The following NR1H4 variants were observed in gnomAD, a reference collection of about 807,000 sequenced individuals.
NR1H4 encodes the protein nuclear receptor subfamily 1 group H member 4.
Under a neutral mutation model 58.5 loss-of-function variants are expected in NR1H4, and 23 were observed. That is an observed-to-expected ratio of 0.39 (90% CI 0.28 to 0.56). NR1H4 has a LOEUF of 0.56. Among genes scored for constraint, NR1H4 ranks in the 20% least tolerant of loss-of-function variants. NR1H4 has a pLI of 0.58. For missense variants in NR1H4, 487 were observed against 576.9 expected, an observed-to-expected ratio of 0.84 and a Z score of 1.60; for synonymous variants, 214 against 198.0, an observed-to-expected ratio of 1.08 and a Z score of -0.68.
chr12:100,553,164 A>C (rs1955243940), intron 9 of NR1H4, among the ~76,000 whole-genome samples: 1 of 151,914 alleles, frequency 6.6e-6, no homozygotes, highest in South Asian at 2.1e-4. Flanking sequence ...ACACCTAGCT[A>C]ATTTGTTGTA....
At chr12:100,557,794 C>T (rs908274073) in intron 9 of NR1H4, among the ~76,000 whole-genome samples, 2 of 152,190 alleles carry the variant, frequency 1.3e-5, no homozygotes, top group African/African-American at 4.8e-5. Context: ...TCTTTAGCGT[C>T]TGGAATCAAA....
rs35404680 is a variant in NR1H4, at chr12:100,545,641, C to CAAA, written c.1078+4849_1078+4851dup. 5.3e-3 allele frequency among the ~76,000 whole-genome samples: 42 copies of CAAA among 7,866 alleles called. 5 individuals are homozygous for CAAA. Among genetic ancestry groups the CAAA allele is most frequent in the African/African-American group, 0.017 (33 of 1,922 alleles). 5.2% of individuals were successfully genotyped at this position (7,866 alleles called of 152,430 possible). A position where few individuals can be genotyped will look rare whatever the true frequency, so the allele number is the denominator to read the frequency against. ...TGGGTGACAGAGTGAGACCTTGTCTCAAAAAAAAAAAAAAAAAAAAAAAAA... is the reference window on the plus strand; with the variant it reads ...TGGGTGACAGAGTGAGACCTTGTCTCAAAAAAAAAAAAAAAAAAAAAAAAAAAA... On this transcript the variant is annotated intron_variant, in intron 9 of 10. Transcript: ENST00000392986.
At chr12:100,485,198 C>G (rs769936057) in intron 1 of NR1H4, among the ~76,000 whole-genome samples, 1 of 152,132 alleles carries the variant, frequency 6.6e-6, no homozygotes, top group Admixed American at 6.5e-5. Context: ...GGATCACAAG[C>G]TTTTTCTACA....
At chr12:100,560,203 C>CA (rs1337257227) in intron 9 of NR1H4, among the ~76,000 whole-genome samples, 1 of 152,162 alleles carries the variant, frequency 6.6e-6, no homozygotes, top group African/African-American at 2.4e-5. Context: ...AGCGCCCTGA[C>CA]AAAACAGGCC....
chr12:100,537,153 T>C, intron 8 of NR1H4, 106 bp downstream of exon 8: 1 of 746,124 alleles, frequency 1.3e-6, no homozygotes, highest in Non-Finnish European at 2.3e-6. Context: ...AAAACATTCC[T>C]GTGAGATCAG....
In NR1H4 at chr12:100,563,522, T is replaced by C. The variant is rs770989693; in HGVS notation, c.*33T>C. On this transcript the variant is annotated 3_prime_UTR_variant, in exon 11 of 11. Transcript: ENST00000392986. ...TACAGGGGAGGGGTCTAGCTCCTTTTTCTCTCTCATATTAATCTGATGTAT... is the reference window on the plus strand; with the variant it reads ...TACAGGGGAGGGGTCTAGCTCCTTTCTCTCTCTCATATTAATCTGATGTAT... The C allele has an allele frequency of 1.3e-6, 2 of 1,483,394 alleles. No individual in the cohort carries two copies. Among genetic ancestry groups the C allele is most frequent in the Non-Finnish European group, 1.9e-6 (2 of 1,060,716 alleles). 91.9% of individuals were successfully genotyped at this position (1,483,394 alleles called of 1,614,324 possible).
chr12:100,529,137 A>C (rs1336257000), intron 4 of NR1H4, among the ~76,000 whole-genome samples: 1 of 152,202 alleles, frequency 6.6e-6, no homozygotes, highest in Non-Finnish European at 1.5e-5. Flanking sequence ...AAATGTTAAG[A>C]TCTTTCCTAC....
intron 9 of NR1H4, among the ~76,000 whole-genome samples, chr12:100,544,201 G>A (rs1183460861): frequency 1.4e-5 from 2 of 142,110 alleles, no homozygotes; most frequent in African/African-American, 2.7e-5. Context: ...ACAGTGAGCC[G>A]AGATCACGCC....
chr12:100,535,879 C>T (rs1169471532), intron 6 of NR1H4, among the ~76,000 whole-genome samples: 3 of 152,146 alleles, frequency 2.0e-5, no homozygotes, highest in Admixed American at 6.5e-5. Context: ...TGTTGACTCT[C>T]TATTTTAGGG....
intron 5 of NR1H4, 83 bp from the exon 6 acceptor site, chr12:100,534,807 C>T: frequency 6.6e-7 from 1 of 1,505,652 alleles, no homozygotes; most frequent in Admixed American, 1.7e-5. Context: ...TCTTCTGGGC[C>T]AGGTACATAT....
At chr12:100,506,340 A>G (rs1287195781) in intron 3 of NR1H4, among the ~76,000 whole-genome samples, 1 of 152,160 alleles carries the variant, frequency 6.6e-6, no homozygotes, top group Non-Finnish European at 1.5e-5. Flanking sequence ...GCCAGTTAAG[A>G]TCTCATGGTC....
At chr12:100,487,875 G>A (rs909751366) in intron 1 of NR1H4, among the ~76,000 whole-genome samples, 2 of 151,990 alleles carry the variant, frequency 1.3e-5, no homozygotes, top group African/African-American at 2.4e-5. Context: ...GCCTCCCAAA[G>A]TGTTGGGATT....
chr12:100,536,482 C>A (rs370126683), intron 6 of NR1H4, 30 bp from the exon 7 acceptor site: 61 of 1,323,922 alleles, frequency 4.6e-5, no homozygotes, highest in South Asian at 3.3e-4. Context: ...CACATCTTCC[C>A]TAACACCTTT....
intron 3 of NR1H4, among the ~76,000 whole-genome samples, chr12:100,497,095 C>G (rs1044221620): frequency 6.6e-6 from 1 of 152,050 alleles, no homozygotes; most frequent in African/African-American, 2.4e-5. Context: ...TTGTCAAGAT[C>G]CCTGGTGTGG....
chr12:100,548,152 G>A (rs1420639044), intron 9 of NR1H4, among the ~76,000 whole-genome samples: 2 of 150,166 alleles, frequency 1.3e-5, no homozygotes, highest in African/African-American at 4.9e-5. Context: ...TGGATCATGA[G>A]GTCAGGAGAT....
intron 10 of NR1H4, among the ~76,000 whole-genome samples, chr12:100,562,476 C>G (rs577093390): frequency 4.3e-4 from 65 of 152,148 alleles, no homozygotes; most frequent in Admixed American, 5.9e-4. Context: ...AAATTACATA[C>G]TTTTTAACAT....
Position 100,511,121 on chromosome 12 carries a change from A to C in NR1H4, c.423A>C (p.Ala141=), listed in dbSNP as rs1330690485. 3 of 1,614,214 alleles carry C rather than the reference A, an allele frequency of 1.9e-6. No individual in the cohort carries two copies. The highest frequency in any genetic ancestry group is 2.5e-6 in the Non-Finnish European group (3 of 1,180,030). ...GDRASGYHYN[A]LTCEGCKGFF... ...GAGCCTCTGGATACCACTATAATGC[A>C]CTGACCTGTGAGGGGTGTAAAGGTA... Residue 141 remains alanine (A), a synonymous_variant, in exon 4 of 11, where the codon GCA becomes GCC. Transcript: ENST00000392986.
chr12:100,546,631 G>A (rs940338157), intron 9 of NR1H4, among the ~76,000 whole-genome samples: 7 of 152,196 alleles, frequency 4.6e-5, no homozygotes, highest in African/African-American at 1.4e-4. Context: ...GGAGGTGGAG[G>A]CAGCAGTAAG....
In NR1H4 at chr12:100,561,995, C is replaced by G. The variant is rs886556064; in HGVS notation, c.1189C>G (p.Pro397Ala). The change falls in exon 10 of 11, where the codon CCA (proline) becomes GCA (alanine). Residue 397 changes from proline (P) to alanine (A), a missense_variant. Physicochemically the swap from Pro to Ala is conservative, Grantham distance 27 (BLOSUM62 -1). Coordinates refer to ENST00000392986, the MANE Select transcript of NR1H4 (RefSeq NM_001206979.2). ...ALLTAIVILS[P>A]DRQYIKDREA... ...GCTTACAGCAATTGTTATCCTGTCT[C>G]CAGGTAATTCCAATGTTACATTTTA... 31 of 1,381,396 alleles carry G rather than the reference C, an allele frequency of 2.2e-5. No individual in the cohort carries two copies. Among genetic ancestry groups the G allele is most frequent in the Non-Finnish European group, 2.9e-5 (28 of 968,362 alleles). The allele number at this position is 1,381,396 out of a possible 1,614,324, so 85.6% of individuals were successfully genotyped here. A position where few individuals can be genotyped will look rare whatever the true frequency, so the allele number is the denominator to read the frequency against.
Sources: gnomAD v4.1 joint callset for allele counts (sites outside exome capture counted in the v4.1 genomes callset) on GRCh38, gnomAD v4.1.1 for gene constraint, MANE v1.5 for transcripts, NCBI Gene and HGNC (gene_info 2026-07-23, HGNC 2026-07-21) for gene names.